MYO18B: variants seen among roughly 807,000 people sequenced by gnomAD.
MYO18B encodes the protein unconventional myosin-XVIIIb.
MYO18B carries 204 observed loss-of-function variants against 273.0 expected under a neutral mutation model. The observed-to-expected ratio is 0.75, with a 90% CI of 0.67 to 0.84. The LOEUF (loss-of-function observed/expected upper bound fraction) is 0.84, where lower values mean the gene tolerates loss of function less well. MYO18B is among the 40% of genes least tolerant of loss of function. The pLI is 0.00. For missense variants in MYO18B, 3,212 were observed against 3,287.6 expected (o/e 0.98, Z 0.56); for synonymous variants, 1,330 against 1,305.7 (o/e 1.02, Z -0.40).
chr22:25,879,360 G>A (rs1348026919), intron 25 of MYO18B, among the ~76,000 whole-genome samples: 1 of 152,134 alleles, frequency 6.6e-6, no homozygotes, highest in East Asian at 1.9e-4. Flanking sequence ...TAATGCCAAA[G>A]GAAAATAATT....
At chr22:25,965,762 T>C (rs2092971109) in intron 39 of MYO18B, among the ~76,000 whole-genome samples, 1 of 152,228 alleles carries the variant, frequency 6.6e-6, no homozygotes, top group South Asian at 2.1e-4. Context: ...TAAGCTTGTA[T>C]CATTTAATCT....
At chr22:25,825,134 A>G (rs2089445318) in intron 13 of MYO18B, among the ~76,000 whole-genome samples, 1 of 152,212 alleles carries the variant, frequency 6.6e-6, no homozygotes, top group African/African-American at 2.4e-5. Context: ...GGATGGGTGC[A>G]TCACACACAG....
intron 39 of MYO18B, among the ~76,000 whole-genome samples, chr22:25,960,162 C>T (rs575578409): frequency 1.1e-4 from 17 of 152,228 alleles, no homozygotes; most frequent in South Asian, 6.2e-4. Flanking sequence ...GAGGTTTTCC[C>T]ATTAATTTTA....
chr22:25,795,365 T>A (rs932462320), intron 11 of MYO18B, among the ~76,000 whole-genome samples: 5 of 152,258 alleles, frequency 3.3e-5, no homozygotes, highest in African/African-American at 1.2e-4. Flanking sequence ...ATATATTTAT[T>A]GATCCATGTC....
rs758283941 is a variant in MYO18B, at chr22:26,026,911, A to G, written c.6937A>G (p.Ile2313Val). 5 of 1,608,034 alleles carry G rather than the reference A, an allele frequency of 3.1e-6. No homozygotes were observed. The highest frequency in any genetic ancestry group is 1.3e-5 in the African/African-American group (1 of 74,556). The change falls in exon 43 of 44, where the codon ATC (isoleucine) becomes GTC (valine). Residue 2313 changes from isoleucine (I) to valine (V), a missense_variant. Physicochemically the swap from Ile to Val is conservative, Grantham distance 29. Transcript: ENST00000335473. ...GGTTGGGGCAAAGTCACCCCTGGAAATCGAAGGGGCCGCTGGTGGTCTCTT... is the reference window on the plus strand; with the variant it reads ...GGTTGGGGCAAAGTCACCCCTGGAAGTCGAAGGGGCCGCTGGTGGTCTCTT... ...LRVGAKSPLEIEGAAGGLLRS... is the reference protein window; with the variant it reads ...LRVGAKSPLEVEGAAGGLLRS...
At chr22:25,816,912 C>T (rs1368949384) in intron 12 of MYO18B, among the ~76,000 whole-genome samples, 1 of 152,188 alleles carries the variant, frequency 6.6e-6, no homozygotes, top group African/African-American at 2.4e-5. Context: ...AAAAGTGAAC[C>T]AGATGCAGCA....
rs1172231615 is a variant in MYO18B at position 25,768,822 on chromosome 22, A to G, written c.906A>G (p.Val302=). 1 of 1,611,252 alleles carries G rather than the reference A, an allele frequency of 6.2e-7. No homozygotes were observed. The highest frequency in any genetic ancestry group is 8.5e-7 in the Non-Finnish European group (1 of 1,178,706). ...AAAAGGGGAATGTCTCTAAGGACGT[A>G]GGGAGTGAAGGGAAGCACGTAAGGC... is the stretch of plus-strand genomic sequence containing the variant. ...TVEKGNVSKD[V]GSEGKHVRPQ... The change falls in exon 4 of 44, where the codon GTA becomes GTG. Residue 302 remains valine, a synonymous_variant. Transcript: ENST00000335473.
intron 23 of MYO18B, 129 bp downstream of exon 23, chr22:25,874,543 T>G (rs2091139840): frequency 8.7e-7 from 1 of 1,145,978 alleles, no homozygotes; most frequent in African/African-American, 1.6e-5. Context: ...AGACTTTAAG[T>G]GAGGCTTTGC....
chr22:25,949,923 A>G (rs1334915425), intron 36 of MYO18B, among the ~76,000 whole-genome samples: 2 of 152,288 alleles, frequency 1.3e-5, no homozygotes, highest in South Asian at 2.1e-4. Context: ...AACAAACCCA[A>G]TACGGAAAGG....
chr22:26,015,011 T>TTA (rs1167795986), intron 42 of MYO18B, among the ~76,000 whole-genome samples: 1 of 152,218 alleles, frequency 6.6e-6, no homozygotes, highest in East Asian at 1.9e-4. Context: ...AGGTTGTCTC[T>TTA]TCACCCTGTT....
chr22:25,796,876 C>T (rs2087936641), intron 11 of MYO18B, among the ~76,000 whole-genome samples: 1 of 152,186 alleles, frequency 6.6e-6, no homozygotes, highest in African/African-American at 2.4e-5. Context: ...TCAAGGGTGG[C>T]CCATGCTGGC....
chr22:25,923,685 G>T (rs2092381074), intron 34 of MYO18B, among the ~76,000 whole-genome samples: 1 of 152,166 alleles, frequency 6.6e-6, no homozygotes, highest in Non-Finnish European at 1.5e-5. Flanking sequence ...TTCTAGGTAG[G>T]CAGAGTTGCT....
rs35715764 is a variant in MYO18B, at chr22:25,908,033, C to CAA, written c.5149-273_5149-272dup. ...AGGCAACAAGAGGGAAACTCCATCT[C>CAA]AAAAAAAAAAAAAAAAAGAGTGTTG... On this transcript the variant is annotated intron_variant, in intron 31 of 43. Transcript: ENST00000335473. Among the ~76,000 whole-genome samples the CAA allele has an allele frequency of 3.7e-3, 385 of 103,812 alleles. 6 individuals are homozygous for CAA. Among genetic ancestry groups the CAA allele is most frequent in the East Asian group, 0.033 (121 of 3,722 alleles). 68.1% of individuals were successfully genotyped at this position (103,812 alleles called of 152,430 possible). A position where few individuals can be genotyped will look rare whatever the true frequency, so the allele number is the denominator to read the frequency against.
chr22:25,974,886 A>G (rs2146755269), intron 39 of MYO18B, among the ~76,000 whole-genome samples: 1 of 152,264 alleles, frequency 6.6e-6, no homozygotes, highest in Non-Finnish European at 1.5e-5. Flanking sequence ...GCCTCCAGAG[A>G]GGGAATGCGG....
chr22:25,902,599 T>C lies in MYO18B; in HGVS notation c.4824-14T>C. On this transcript the variant is annotated splice_polypyrimidine_tract_variant and intron_variant, in intron 29 of 43. Coordinates refer to ENST00000335473, the MANE Select transcript of MYO18B (RefSeq NM_032608.7). ...CTGCCTACGGGGCCCTGACACGTGC[T>C]CTGCTTTGCACAGGTTTGACCTGCA... 1 of 1,604,910 alleles carries C rather than the reference T, an allele frequency of 6.2e-7. No individual in the cohort carries two copies. Among genetic ancestry groups the C allele is most frequent in the South Asian group, 1.1e-5 (1 of 88,766 alleles).
At chr22:25,846,333 C>T (rs771809914) in intron 19 of MYO18B, 50 bp downstream of exon 19, 1 of 1,587,786 alleles carries the variant, frequency 6.3e-7, no homozygotes, top group African/African-American at 1.3e-5. Context: ...TGCCTCCATC[C>T]TCATCTCCTC....
In MYO18B at chr22:25,769,154, A is replaced by G. The variant is rs758331026; in HGVS notation, c.1238A>G (p.Glu413Gly). Residue 413 changes from glutamate (E) to glycine (G), a missense_variant, in exon 4 of 44, where the codon GAG becomes GGG. Coordinates refer to ENST00000335473, the MANE Select transcript of MYO18B (RefSeq NM_032608.7). The stretch of plus-strand genomic sequence containing the variant: ...GCAGGTGAAGCTCGGAGTCAGACAG[A>G]GAAGGGCTGTGAAGCCCCAAAGGAG... ...GNAGEARSQTEKGCEAPKEVS... is the reference protein window; with the variant it reads ...GNAGEARSQTGKGCEAPKEVS... 1 of 1,613,344 alleles carries G rather than the reference A, an allele frequency of 6.2e-7. No individual in the cohort carries two copies. The highest frequency in any genetic ancestry group is 1.1e-5 in the South Asian group (1 of 90,822).
the MYO18B span, among the ~76,000 whole-genome samples, chr22:26,045,806 C>T: frequency 6.6e-6 from 1 of 152,232 alleles, no homozygotes; most frequent in Non-Finnish European, 1.5e-5. Context: ...CCAGCGAAGA[C>T]CAGCAGAGCA....
At chr22:25,765,253 A>G (rs1369913254) in intron 3 of MYO18B, among the ~76,000 whole-genome samples, 1 of 152,162 alleles carries the variant, frequency 6.6e-6, no homozygotes, top group Non-Finnish European at 1.5e-5. Flanking sequence ...GCCTCAGGAC[A>G]TGTTTCCACA....
Sources: gnomAD v4.1 joint callset for allele counts (sites outside exome capture counted in the v4.1 genomes callset) on GRCh38, gnomAD v4.1.1 for gene constraint, MANE v1.5 for transcripts, NCBI Gene and HGNC (gene_info 2026-07-23, HGNC 2026-07-21) for gene names.